Variants in ACOX1 observed in about 807,000 individuals in gnomAD.
ACOX1 encodes peroxisomal acyl-coenzyme A oxidase 1.
In ACOX1, 41 loss-of-function variants were observed where a neutral mutation model predicts 75.5. That is an observed-to-expected ratio of 0.54 (90% CI 0.42 to 0.70). The LOEUF (loss-of-function observed/expected upper bound fraction) is 0.70. ACOX1 is among the 30% of genes least tolerant of loss of function. The pLI is 0.00. For missense variants in ACOX1, 630 were observed against 837.5 expected (o/e 0.75, Z 3.06); for synonymous variants, 303 against 298.8 (o/e 1.01, Z -0.15).
At chr17:75,946,853 T>A in intron 13 of ACOX1, 58 bp from the exon 14 acceptor site, 1 of 1,531,154 alleles carries the variant, frequency 6.5e-7, no homozygotes, top group Non-Finnish European at 9.0e-7. Flanking sequence ...TTAAATAGTA[T>A]ACTGTTTTTT....
At chr17:75,958,576 A>G (rs1405016293) in intron 3 of ACOX1, among the ~76,000 whole-genome samples, 1 of 151,450 alleles carries the variant, frequency 6.6e-6, no homozygotes. Context: ...TGGGGGGCCA[A>G]GGCGGGCGGA....
rs1360483996 is a variant in ACOX1, at chr17:75,978,022, A to G, written c.269+512T>C. Reference sequence around the variant, plus strand: ...CATTTATTATCAGCATTCTACAAACACGTCATCCCACGAAAAGGCTTGGAT... The same window carrying G: ...CATTTATTATCAGCATTCTACAAACGCGTCATCCCACGAAAAGGCTTGGAT... On this transcript the variant is annotated intron_variant, in intron 2 of 13. Transcript: ENST00000293217. This position sits in a 1 kb window ranked among gnomAD's most constrained non-coding sequence, Gnocchi z 4.2. Among the ~76,000 whole-genome samples, 1 of 152,130 alleles carries G rather than the reference A, an allele frequency of 6.6e-6. No individual in the cohort carries two copies. Among genetic ancestry groups the G allele is most frequent in the Non-Finnish European group, 1.5e-5 (1 of 68,028 alleles).
At chr17:75,966,259 C>A (rs993623649) in intron 2 of ACOX1, among the ~76,000 whole-genome samples, 1 of 151,172 alleles carries the variant, frequency 6.6e-6, no homozygotes, top group Non-Finnish European at 1.5e-5. Context: ...GAGTTTGAGA[C>A]CAGCCTGACC....
chr17:75,968,000 A>C (rs551664131), intron 2 of ACOX1, among the ~76,000 whole-genome samples: 61 of 151,074 alleles, frequency 4.0e-4, no homozygotes, highest in Non-Finnish European at 8.9e-5. Flanking sequence ...CGGCCTCCCA[A>C]AGTGCTGGGA....
At chr17:75,957,369 G>T (rs2144262214) in intron 4 of ACOX1, 90 bp downstream of exon 4, 1 of 1,200,218 alleles carries the variant, frequency 8.3e-7, no homozygotes, top group Non-Finnish European at 1.2e-6. Flanking sequence ...CACCAAGTCT[G>T]GCCGACATTA....
chr17:75,955,642 T>C lies in ACOX1; in HGVS notation c.698A>G (p.Asp233Gly). 1 of 1,614,214 alleles carries C rather than the reference T, an allele frequency of 6.2e-7. No homozygotes were observed. Among genetic ancestry groups the C allele is most frequent in the South Asian group, 1.1e-5 (1 of 91,090 alleles). Reference sequence around the variant, plus strand: ...TTTGAGGTAGCCATTGTCTATCTCATCATAACCAAATTTGGGGCCGATGTC... The same window carrying C: ...TTTGAGGTAGCCATTGTCTATCTCACCATAACCAAATTTGGGGCCGATGTC... ...VGDIGPKFGY[D>G]EIDNGYLKMD... The change falls in exon 6 of 14, where the codon GAT becomes GGT. Residue 233 changes from aspartate (D) to glycine (G), a missense_variant. Asp to Gly is a moderately conservative substitution (Grantham distance 94). Around this residue, in one of 2 missense-constraint regions of ACOX1, gnomAD observed 390 missense variants for 574.9 expected, o/e 0.68. Transcript: ENST00000293217.
chr17:75,975,915 GAAAGAA>G (rs914146931), intron 2 of ACOX1, among the ~76,000 whole-genome samples: 11 of 148,598 alleles, frequency 7.4e-5, no homozygotes, highest in Admixed American at 6.1e-4. Flanking sequence ...AAGAGAAAGA[GAAAGAA>G]AAAGAAAGGA....
At position 75,977,046 on chromosome 17, in the gene ACOX1, G is replaced by A. The variant is rs553440633; in HGVS notation, c.269+1488C>T. ...AGAGTCTCTCTTTGTTGCCCAGTCT[G>A]GAGTGCAGTGGCGTGATCTCGGCTC... is the stretch of plus-strand genomic sequence containing the variant. On this transcript the variant is annotated intron_variant, in intron 2 of 13. Coordinates refer to ENST00000293217, the MANE Select transcript of ACOX1 (RefSeq NM_004035.7). Among the ~76,000 whole-genome samples, 5 of 124,498 alleles carry A rather than the reference G, an allele frequency of 4.0e-5. No homozygotes were observed. In the South Asian group the frequency reaches 1.0e-3, roughly 26 times the overall value. The allele number at this position is 124,498 out of a possible 152,430, so 81.7% of individuals were successfully genotyped here.
chr17:75,957,304 T>G, intron 4 of ACOX1, 155 bp downstream of exon 4: 1 of 703,104 alleles, frequency 1.4e-6, no homozygotes, highest in South Asian at 1.5e-5. Flanking sequence ...TGGTCTTGAA[T>G]TCCTGACCTC....
chr17:75,949,189 A>C (rs929042932), intron 12 of ACOX1, 28 bp downstream of exon 12: 4 of 1,613,784 alleles, frequency 2.5e-6, no homozygotes, highest in African/African-American at 2.7e-5. Flanking sequence ...ACAACAACAA[A>C]AAAGACTTAT....
At position 75,978,554 on chromosome 17, in the gene ACOX1, A is replaced by C; in HGVS notation, c.249T>G (p.Asp83Glu). 8 of 1,614,184 alleles carry C rather than the reference A, an allele frequency of 5.0e-6. No homozygotes were observed. The highest frequency in any genetic ancestry group is 6.8e-6 in the Non-Finnish European group (8 of 1,180,036). ...KMREFGIADP[D>E]EIMWFKNFVH... ...CCTACTTTTTAAACCACATAATTTCATCAGGGTCAGCGATGCCAAACTCCC... is the reference window on the plus strand; with the variant it reads ...CCTACTTTTTAAACCACATAATTTCCTCAGGGTCAGCGATGCCAAACTCCC... The change falls in exon 2 of 14, where the codon GAT becomes GAG. Residue 83 changes from aspartate to glutamate, a missense_variant. Around this residue, in one of 2 missense-constraint regions of ACOX1, gnomAD observed 390 missense variants for 574.9 expected, o/e 0.68. Coordinates refer to ENST00000293217, the MANE Select transcript of ACOX1 (RefSeq NM_004035.7). This position sits in a 1 kb window ranked among gnomAD's most constrained non-coding sequence, Gnocchi z 4.2.
Position 75,978,848 on chromosome 17 carries a change from C to A in ACOX1, c.109+117G>T. 1 of 1,597,124 alleles carries A rather than the reference C, an allele frequency of 6.3e-7. No homozygotes were observed. The highest frequency in any genetic ancestry group is 8.5e-7 in the Non-Finnish European group (1 of 1,176,068). On this transcript the variant is annotated intron_variant, in intron 1 of 13. Transcript: ENST00000293217. The surrounding 1 kb of genome is among the most constrained non-coding windows in gnomAD (Gnocchi z 4.2). Reference sequence around the variant, plus strand: ...ACAGGCTGTTCCTCGAAGTGGGGGTCCCGGCTCCCCTAACGCTGGGCCAGA... The same window carrying A: ...ACAGGCTGTTCCTCGAAGTGGGGGTACCGGCTCCCCTAACGCTGGGCCAGA...
At chr17:75,972,062 G>C (rs1567888271) in intron 2 of ACOX1, among the ~76,000 whole-genome samples, 1 of 151,898 alleles carries the variant, frequency 6.6e-6, no homozygotes, top group Non-Finnish European at 1.5e-5. Context: ...CTCAGGCCGG[G>C]TGCAGTGGCT....
chr17:75,943,873 G>C lies in ACOX1; in HGVS notation c.*2875C>G, dbSNP rs150295638. 1.8e-4 allele frequency: 27 copies of C among 152,254 alleles called. No homozygotes were observed. The highest frequency in any genetic ancestry group is 6.5e-4 in the African/African-American group (27 of 41,548). 9.4% of individuals were successfully genotyped at this position (152,254 alleles called of 1,614,324 possible). A position where few individuals can be genotyped will look rare whatever the true frequency, so the allele number is the denominator to read the frequency against. ...CATTTTCAATTTTGTATTTGGTTGA[G>C]AGTACTTTTTAAAAAAAGGCTTAAA... is the stretch of plus-strand genomic sequence containing the variant. On this transcript the variant is annotated 3_prime_UTR_variant, in exon 14 of 14. Transcript: ENST00000293217.
chr17:75,944,288 G>C lies in ACOX1; in HGVS notation c.*2460C>G, dbSNP rs577210317. The C allele has an allele frequency of 1.3e-5, 2 of 152,264 alleles. No homozygotes were observed. Among genetic ancestry groups the C allele is most frequent in the East Asian group, 3.9e-4 (2 of 5,184 alleles). 9.4% of individuals were successfully genotyped at this position (152,264 alleles called of 1,614,324 possible). A position where few individuals can be genotyped will look rare whatever the true frequency, so the allele number is the denominator to read the frequency against. On this transcript the variant is annotated 3_prime_UTR_variant, in exon 14 of 14. Transcript: ENST00000293217. Reference sequence around the variant, plus strand: ...ATTTTGGAGAAGACAAGGTTAAAATGTATCTTTGTACTTGTGAAAATGGCT... The same window carrying C: ...ATTTTGGAGAAGACAAGGTTAAAATCTATCTTTGTACTTGTGAAAATGGCT...
At chr17:75,958,690 C>A (rs1337776485) in intron 3 of ACOX1, among the ~76,000 whole-genome samples, 1 of 151,814 alleles carries the variant, frequency 6.6e-6, no homozygotes, top group African/African-American at 2.4e-5. Flanking sequence ...TGCCTGTAGT[C>A]CCAGCTACTC....
Position 75,948,414 on chromosome 17 carries a change from C to G in ACOX1, c.1772G>C (p.Arg591Pro). The G allele has an allele frequency of 6.2e-7, 1 of 1,614,162 alleles. No individual in the cohort carries two copies. Among genetic ancestry groups the G allele is most frequent in the Non-Finnish European group, 8.5e-7 (1 of 1,180,026 alleles). ...AATCAGAGTGAGTAACTCCTTTACA[C>G]GCTGGTTTACTTGTGTAATCTGAGG... Reference protein sequence around the residue: ...TEPQITQVNQRVKELLTLIRS... With the variant: ...TEPQITQVNQPVKELLTLIRS... The change falls in exon 13 of 14, where the codon CGT (arginine) becomes CCT (proline). Residue 591 changes from arginine (R) to proline (P), a missense_variant. Arg to Pro is a moderately radical substitution (Grantham distance 103). Coordinates refer to ENST00000293217, the MANE Select transcript of ACOX1 (RefSeq NM_004035.7).
intron 2 of ACOX1, among the ~76,000 whole-genome samples, chr17:75,977,302 C>T (rs1449487300): frequency 6.6e-6 from 1 of 151,860 alleles, no homozygotes; most frequent in Non-Finnish European, 1.5e-5. Flanking sequence ...GGCCCGAAGT[C>T]CTTATTTTTA....
In ACOX1 at chr17:75,951,473, T is replaced by C; in HGVS notation, c.1049A>G (p.Glu350Gly). The change falls in exon 8 of 14, where the codon GAG (glutamate) becomes GGG (glycine). Residue 350 changes from glutamate to glycine, a missense_variant. This residue lies in a region of ACOX1 where 390 missense variants were observed against 574.9 expected (regional missense o/e 0.68). Transcript: ENST00000293217. ...GCCTTCGTTAATCCGGTGATAGGTC[T>C]CCTTCATGTATGCGCCCACAAACTG... is the stretch of plus-strand genomic sequence containing the variant. ...AFQFVGAYMK[E>G]TYHRINEGIG... 1 of 1,614,214 alleles carries C rather than the reference T, an allele frequency of 6.2e-7. No individual in the cohort carries two copies. The highest frequency in any genetic ancestry group is 1.1e-5 in the South Asian group (1 of 91,080).
Sources: gnomAD v4.1 joint callset for allele counts (sites outside exome capture counted in the v4.1 genomes callset) on GRCh38, gnomAD v4.1.1 for gene constraint, gnomAD v4.1.1 regional missense constraint, Gnocchi (gnomAD v3.1) non-coding constraint, MANE v1.5 for transcripts, NCBI Gene and HGNC (gene_info 2026-07-23, HGNC 2026-07-21) for gene names.